The following ZNF322 variants were observed in gnomAD, a reference collection of about 807,000 sequenced individuals.
ZNF322 encodes the protein HLA complex group 12.
In ZNF322, 1 loss-of-function variant was observed where a neutral mutation model predicts 18.3. The ratio of observed to expected loss-of-function variants is 0.05; its 90% CI spans 0.02 to 0.26. The LOEUF (loss-of-function observed/expected upper bound fraction) is 0.26, where lower values mean the gene tolerates loss of function less well. Among genes scored for constraint, ZNF322 ranks in the 10% least tolerant of loss-of-function variants. ZNF322 has a pLI of 1.00. For missense variants in ZNF322, 36 were observed against 403.6 expected, an observed-to-expected ratio of 0.09 and a Z score of 7.80; for synonymous variants, 17 against 130.7, an observed-to-expected ratio of 0.13 and a Z score of 5.93.
intron 2 of ZNF322, among the ~76,000 whole-genome samples, chr6:26,647,845 A>G (rs1334271694): frequency 1.3e-5 from 2 of 151,774 alleles, no homozygotes; most frequent in Non-Finnish European, 2.9e-5. Flanking sequence ...CCTGATGAAG[A>G]GAGCATAAAA....
chr6:26,643,863 A>T (rs1362273310), intron 2 of ZNF322, 135 bp from the exon 3 acceptor site: 3 of 152,256 alleles, frequency 2.0e-5, no homozygotes, highest in Non-Finnish European at 4.4e-5. Context: ...TAATCCCTTA[A>T]ATTCAATTCT....
intron 2 of ZNF322, among the ~76,000 whole-genome samples, chr6:26,656,338 G>T (rs550893936): frequency 6.6e-6 from 1 of 152,066 alleles, no homozygotes; most frequent in African/African-American, 2.4e-5. Flanking sequence ...AGACACTGCC[G>T]GTACTAAGCT....
intron 2 of ZNF322, among the ~76,000 whole-genome samples, chr6:26,657,325 GTTTT>G (rs370506935): frequency 6.8e-4 from 104 of 151,934 alleles, no homozygotes; most frequent in Admixed American, 2.1e-3. Context: ...AAAATCCAAA[GTTTT>G]TACTGCTCTA....
intron 2 of ZNF322, among the ~76,000 whole-genome samples, chr6:26,656,491 A>T (rs1765774122): frequency 6.6e-6 from 1 of 151,602 alleles, no homozygotes; most frequent in Admixed American, 6.6e-5. Context: ...TTCAAAACCC[A>T]CTTGCAATAA....
intron 2 of ZNF322, among the ~76,000 whole-genome samples, chr6:26,654,901 C>T (rs1192941347): frequency 6.6e-6 from 1 of 152,048 alleles, no homozygotes; most frequent in Non-Finnish European, 1.5e-5. Flanking sequence ...CCACCTTAAC[C>T]TAATGGTATC....
intron 2 of ZNF322, among the ~76,000 whole-genome samples, chr6:26,646,282 AC>A (rs1270830534): frequency 1.3e-5 from 2 of 152,122 alleles, no homozygotes; most frequent in African/African-American, 4.8e-5. Context: ...ATTTTGGCTC[AC>A]AAGCAAGACC....
At chr6:26,649,342 G>A (rs1286948750) in intron 2 of ZNF322, among the ~76,000 whole-genome samples, 4 of 152,008 alleles carry the variant, frequency 2.6e-5, no homozygotes, top group Non-Finnish European at 5.9e-5. Context: ...ATACAATAAA[G>A]ATGACATCTC....
chr6:26,655,612 C>T (rs1765755748), intron 2 of ZNF322, among the ~76,000 whole-genome samples: 1 of 152,162 alleles, frequency 6.6e-6, no homozygotes, highest in African/African-American at 2.4e-5. Context: ...ATGTGTATTG[C>T]TATGCTTTGA....
chr6:26,639,712 T>C (rs1765433631), intron 3 of ZNF322, among the ~76,000 whole-genome samples: 1 of 152,214 alleles, frequency 6.6e-6, no homozygotes, highest in South Asian at 2.1e-4. Flanking sequence ...TCTTCAGTGA[T>C]CTTTTCATGT....
intron 2 of ZNF322, among the ~76,000 whole-genome samples, chr6:26,655,889 G>A (rs61242782): frequency 0.078 from 11,881 of 152,058 alleles, 482 homozygotes; most frequent in Middle Eastern, 0.11. Flanking sequence ...TTGGACTTTC[G>A]AATCTCCAGA....
chr6:26,652,327 T>A (rs1765685496), intron 2 of ZNF322, among the ~76,000 whole-genome samples: 1 of 151,844 alleles, frequency 6.6e-6, no homozygotes, highest in South Asian at 2.1e-4. Flanking sequence ...CATTTAAAAA[T>A]CTCCAAAATA....
At chr6:26,639,104 G>C (rs1027203) in intron 3 of ZNF322, among the ~76,000 whole-genome samples, 54,362 of 152,098 alleles carry the variant, frequency 0.36, 10,871 homozygotes, top group East Asian at 0.66. Context: ...AAGCTTGGAA[G>C]AAAGTAGTTA....
chr6:26,636,484 A>T lies in ZNF322; in HGVS notation c.*861T>A. 6.6e-6 allele frequency: 1 copy of T among 151,598 alleles called. No homozygotes were observed. Among genetic ancestry groups the T allele is most frequent in the East Asian group, 2.0e-4 (1 of 5,078 alleles). The allele number at this position is 151,598 out of a possible 1,614,324, so 9.4% of individuals were successfully genotyped here. On this transcript the variant is annotated 3_prime_UTR_variant, in exon 4 of 4. Coordinates refer to ENST00000415922, the MANE Select transcript of ZNF322 (RefSeq NM_024639.5). ...AACTATTTTCATACTGATTTCATGT[A>T]AAGTCCTCTCTACCATATGAGTCAA...
chr6:26,649,706 T>A (rs1765633486), intron 2 of ZNF322, among the ~76,000 whole-genome samples: 1 of 120,928 alleles, frequency 8.3e-6, no homozygotes, highest in African/African-American at 3.2e-5. Context: ...TATATATTTT[T>A]TTTTTTTTTT....
chr6:26,655,600 A>T (rs1454080393), intron 2 of ZNF322, among the ~76,000 whole-genome samples: 1 of 152,170 alleles, frequency 6.6e-6, no homozygotes, highest in Non-Finnish European at 1.5e-5. Context: ...ATACATATGT[A>T]TATGTGTATT....
At chr6:26,643,915 G>A (rs574446318) in intron 2 of ZNF322, among the ~76,000 whole-genome samples, 187 bp from the exon 3 acceptor site, 13 of 152,210 alleles carry the variant, frequency 8.5e-5, no homozygotes, top group East Asian at 3.9e-4. Context: ...TAGAGAAAAG[G>A]ACAATACAGA....
intron 3 of ZNF322, among the ~76,000 whole-genome samples, chr6:26,640,323 G>A (rs1277082452): frequency 6.6e-6 from 1 of 152,096 alleles, no homozygotes; most frequent in African/African-American, 2.4e-5. Context: ...AATCTGACTC[G>A]TAGTTACTAC....
At chr6:26,647,339 T>C (rs1326601526) in intron 2 of ZNF322, among the ~76,000 whole-genome samples, 1 of 151,696 alleles carries the variant, frequency 6.6e-6, no homozygotes, top group East Asian at 1.9e-4. Context: ...ATCAATGAAC[T>C]AGAGAACAAA....
intron 2 of ZNF322, among the ~76,000 whole-genome samples, chr6:26,651,648 A>C (rs1358042492): frequency 6.6e-6 from 1 of 152,214 alleles, no homozygotes; most frequent in Non-Finnish European, 1.5e-5. Context: ...AGCTTGATTT[A>C]GCCAGTCCAC....
Sources: allele counts gnomAD v4.1 joint callset (sites outside exome capture counted in the v4.1 genomes callset), GRCh38; gene constraint gnomAD v4.1.1; transcripts MANE v1.5; gene names NCBI Gene and HGNC (gene_info 2026-07-23, HGNC 2026-07-21).